The following KCNH1 variants were observed in gnomAD, a reference collection of about 807,000 sequenced individuals.
KCNH1 encodes the protein potassium voltage-gated channel subfamily H member 1.
In KCNH1, 27 loss-of-function variants were observed where a neutral mutation model predicts 69.2. The observed-to-expected ratio is 0.39, with a 90% confidence interval of 0.29 to 0.54. KCNH1 has a LOEUF of 0.54. Ranked by LOEUF, KCNH1 falls within the 20% of genes least tolerant of loss-of-function variation. The pLI, the probability that KCNH1 is intolerant of heterozygous loss-of-function variation, is 0.68. For synonymous variants in KCNH1, 456 were observed against 487.7 expected (o/e 0.93, Z 0.86); for missense variants, 798 against 1,261.6 (o/e 0.63, Z 5.57).
chr1:211,001,777 A>G (rs1007291395), intron 6 of KCNH1, among the ~76,000 whole-genome samples: 1 of 152,216 alleles, frequency 6.6e-6, no homozygotes, highest in Admixed American at 6.5e-5. Context: ...ATGTCCATCA[A>G]TGATAGACTG....
At chr1:210,806,836 A>AAATATATATATAT (rs1553346591) in intron 7 of KCNH1, among the ~76,000 whole-genome samples, 1 of 85,652 alleles carries the variant, frequency 1.2e-5, no homozygotes, top group Admixed American at 1.3e-4. Flanking sequence ...AAAAAAAAAA[A>AAATATATATATAT]ATATATATAT....
intron 5 of KCNH1, among the ~76,000 whole-genome samples, chr1:211,047,458 G>C (rs1690113741): frequency 6.6e-6 from 1 of 152,182 alleles, no homozygotes; most frequent in Non-Finnish European, 1.5e-5. Flanking sequence ...CGCTTACAGA[G>C]AGGGCTAAAA....
intron 10 of KCNH1, among the ~76,000 whole-genome samples, chr1:210,757,102 G>T (rs1411448968): frequency 1.3e-5 from 2 of 152,180 alleles, no homozygotes; most frequent in Non-Finnish European, 2.9e-5. Flanking sequence ...TCCTAGGAGT[G>T]CAGTCCTGGC....
chr1:210,872,513 A>G (rs1178664481), intron 7 of KCNH1, among the ~76,000 whole-genome samples: 1 of 152,138 alleles, frequency 6.6e-6, no homozygotes, highest in African/African-American at 2.4e-5. Flanking sequence ...TAAAGAAAAG[A>G]GGTTTAATTG....
At chr1:210,711,444 C>G (rs1174020793) in intron 10 of KCNH1, among the ~76,000 whole-genome samples, 1 of 152,212 alleles carries the variant, frequency 6.6e-6, no homozygotes, top group African/African-American at 2.4e-5. Context: ...CCTATGGAAT[C>G]TGGCTCATTT....
At chr1:210,882,483 G>A (rs1379391567) in intron 7 of KCNH1, among the ~76,000 whole-genome samples, 1 of 152,124 alleles carries the variant, frequency 6.6e-6, no homozygotes, top group Non-Finnish European at 1.5e-5. Context: ...CAGATTTCAG[G>A]ATCAAAAATA....
At chr1:211,001,944 T>C (rs993767767) in intron 6 of KCNH1, among the ~76,000 whole-genome samples, 4 of 146,332 alleles carry the variant, frequency 2.7e-5, no homozygotes, top group Non-Finnish European at 4.5e-5. Flanking sequence ...TTCTCACTCA[T>C]AGGTGGGAAT....
intron 1 of KCNH1, 104 bp from the exon 2 acceptor site, chr1:211,107,481 T>A (rs1207240138): frequency 1.7e-6 from 2 of 1,180,454 alleles, no homozygotes; most frequent in Non-Finnish European, 2.4e-6. Context: ...TATTTCTGAT[T>A]CCCTCCAAAA....
chr1:211,029,966 G>C (rs752668224), intron 5 of KCNH1, among the ~76,000 whole-genome samples: 1 of 152,032 alleles, frequency 6.6e-6, no homozygotes, highest in Non-Finnish European at 1.5e-5. Context: ...ATAACAAAAC[G>C]TGCAGGATTT....
intron 6 of KCNH1, among the ~76,000 whole-genome samples, chr1:211,005,363 A>G (rs1689261108): frequency 6.6e-6 from 1 of 152,164 alleles, no homozygotes; most frequent in East Asian, 1.9e-4. Flanking sequence ...GTTAAAATTC[A>G]TTACAAAACT....
chr1:211,130,967 T>C (rs1462759572), intron 1 of KCNH1, among the ~76,000 whole-genome samples: 1 of 152,228 alleles, frequency 6.6e-6, no homozygotes, highest in Non-Finnish European at 1.5e-5. Context: ...CTTGTTGTTA[T>C]AACATTTTAT....
chr1:211,070,430 A>AAAC (rs1553376624), intron 5 of KCNH1, among the ~76,000 whole-genome samples: 45 of 137,162 alleles, frequency 3.3e-4, no homozygotes, highest in African/African-American at 1.1e-3. Context: ...AAAAAAAAAA[A>AAAC]ACACACACAC....
chr1:210,708,194 T>C (rs1303017331), intron 10 of KCNH1, among the ~76,000 whole-genome samples: 1 of 150,406 alleles, frequency 6.6e-6, no homozygotes, highest in Non-Finnish European at 1.5e-5. Flanking sequence ...ATGCTGCTTT[T>C]ACTCTGGATG....
intron 7 of KCNH1, among the ~76,000 whole-genome samples, chr1:210,856,812 T>TA (rs1685850910): frequency 8.3e-6 from 1 of 120,308 alleles, no homozygotes; most frequent in Non-Finnish European, 1.8e-5. Context: ...TATATATATA[T>TA]TATATATATT....
rs980486503 is a variant in KCNH1, at chr1:210,682,306, T to C, written c.*975A>G. ...CCCAATGAGAATCAAAGTATAAACA[T>C]AGCACTTGCTACAGTTCTGAGGTTG... On this transcript the variant is annotated 3_prime_UTR_variant, in exon 11 of 11. Transcript: ENST00000271751. 3.3e-5 allele frequency: 5 copies of C among 152,206 alleles called. No homozygotes were observed. Among genetic ancestry groups the C allele is most frequent in the African/African-American group, 1.2e-4 (5 of 41,444 alleles). 9.4% of individuals were successfully genotyped at this position (152,206 alleles called of 1,614,324 possible). A position where few individuals can be genotyped will look rare whatever the true frequency, so the allele number is the denominator to read the frequency against.
intron 6 of KCNH1, among the ~76,000 whole-genome samples, chr1:210,942,388 A>G (rs114470502): frequency 6.6e-6 from 1 of 152,192 alleles, no homozygotes; most frequent in African/African-American, 2.4e-5. Flanking sequence ...TCACATCTTC[A>G]CCTATAAAGT....
chr1:211,034,172 C>T (rs746119968), intron 5 of KCNH1, among the ~76,000 whole-genome samples: 3 of 152,116 alleles, frequency 2.0e-5, no homozygotes, highest in Admixed American at 6.5e-5. Context: ...TGGCCAAAAC[C>T]GGAAACAATC....
chr1:210,697,198 G>C (rs1681664003), intron 10 of KCNH1, among the ~76,000 whole-genome samples: 1 of 152,206 alleles, frequency 6.6e-6, no homozygotes, highest in Non-Finnish European at 1.5e-5. Flanking sequence ...AAAAATTCAT[G>C]CTTCTTTGCT....
At chr1:210,991,634 T>C (rs919703397) in intron 6 of KCNH1, among the ~76,000 whole-genome samples, 14 of 127,192 alleles carry the variant, frequency 1.1e-4, no homozygotes, top group African/African-American at 2.7e-4. Context: ...CACACACACA[T>C]AACACATACA....
Sources: allele counts gnomAD v4.1 joint callset (sites outside exome capture counted in the v4.1 genomes callset), GRCh38; gene constraint gnomAD v4.1.1; transcripts MANE v1.5; gene names NCBI Gene and HGNC (gene_info 2026-07-23, HGNC 2026-07-21).